Variants in PDIA6 observed in about 807,000 individuals in gnomAD.
PDIA6 encodes protein disulfide isomerase family A member 6.
Under a neutral mutation model 58.4 loss-of-function variants are expected in PDIA6, and 29 were observed. That is an observed-to-expected ratio of 0.50 (90% CI 0.37 to 0.68). The LOEUF is 0.68. Ranked by LOEUF, PDIA6 falls within the 30% of genes least tolerant of loss-of-function variation. The pLI is 0.00. For synonymous variants in PDIA6, 192 were observed against 202.6 expected (o/e 0.95, Z 0.44); for missense variants, 480 against 551.0 (o/e 0.87, Z 1.29).
intron 12 of PDIA6, 62 bp downstream of exon 12, chr2:10,784,872 G>T (rs1665629835): frequency 8.2e-7 from 1 of 1,222,032 alleles, no homozygotes; most frequent in Non-Finnish European, 1.2e-6. Context: ...GTGCAGAGAT[G>T]CACAGGCTCA....
In PDIA6 at chr2:10,789,887, A is replaced by C. The variant is rs1333909832; in HGVS notation, c.702T>G (p.Ile234Met). The C allele has an allele frequency of 6.8e-6, 11 of 1,611,574 alleles. No homozygotes were observed. Among genetic ancestry groups the C allele is most frequent in the Non-Finnish European group, 9.3e-6 (11 of 1,178,254 alleles). Residue 234 changes from isoleucine to methionine, a missense_variant and splice_region_variant, in exon 8 of 13, where the codon ATT (isoleucine) becomes ATG (methionine). By Grantham distance (10) the Ile-to-Met change is conservative. Coordinates refer to ENST00000272227, the MANE Select transcript of PDIA6 (RefSeq NM_005742.4). ...ATATCTTGATTGTAGGAAATCCTCT[A>C]ATCTATTAAAAAAAGGTCAGAGGAT... Reference protein sequence around the residue: ...VNQVLASRYGIRGFPTIKIFQ... With the variant: ...VNQVLASRYGMRGFPTIKIFQ...
chr2:10,796,060 CTTTTTTTTTT>C (rs78611007), intron 4 of PDIA6, among the ~76,000 whole-genome samples: 1 of 144,096 alleles, frequency 6.9e-6, no homozygotes, highest in African/African-American at 2.8e-5. Context: ...TTTGTGATAT[CTTTTTTTTTT>C]TTTTTTTTTG....
At chr2:10,801,906 C>G (rs1011135873) in intron 2 of PDIA6, among the ~76,000 whole-genome samples, 1 of 152,224 alleles carries the variant, frequency 6.6e-6, no homozygotes. Flanking sequence ...CACAGACACA[C>G]AGCTGGCTAG....
chr2:10,831,297 G>T (rs979952274), intron 1 of PDIA6, among the ~76,000 whole-genome samples: 1 of 152,186 alleles, frequency 6.6e-6, no homozygotes, highest in Non-Finnish European at 1.5e-5. Flanking sequence ...TGTAGTCTAC[G>T]GCACTCTCTT....
chr2:10,796,155 G>A (rs1046716889), intron 4 of PDIA6, among the ~76,000 whole-genome samples: 1 of 150,202 alleles, frequency 6.7e-6, no homozygotes, highest in African/African-American at 2.5e-5. Context: ...CCGGGTTCAC[G>A]CCATTCTCCT....
chr2:10,797,312 AG>A, intron 3 of PDIA6, 105 bp from the exon 4 acceptor site: 1 of 1,176,368 alleles, frequency 8.5e-7, no homozygotes, highest in South Asian at 1.5e-5. Context: ...AATAAAGCAC[AG>A]GGTGCAGTTT....
intron 1 of PDIA6, among the ~76,000 whole-genome samples, chr2:10,807,926 T>C (rs116419031): frequency 2.0e-5 from 3 of 152,188 alleles, no homozygotes; most frequent in African/African-American, 7.2e-5. Flanking sequence ...GTCATACATA[T>C]AAGGGGCAGG....
At chr2:10,797,636 G>A in intron 3 of PDIA6, 64 bp downstream of exon 3, 1 of 1,089,764 alleles carries the variant, frequency 9.2e-7, no homozygotes, top group South Asian at 1.3e-5. Context: ...GGTGAATATG[G>A]ACATCTTAGA....
intron 2 of PDIA6, chr2:10,819,150 C>A (rs1010539682): frequency 3.2e-6 from 2 of 617,884 alleles, no homozygotes; most frequent in Admixed American, 6.0e-5. Context: ...GAGTCACATT[C>A]CATCATATGA....
chr2:10,791,519 G>A (rs1666035675), intron 6 of PDIA6, among the ~76,000 whole-genome samples: 1 of 152,130 alleles, frequency 6.6e-6, no homozygotes, highest in African/African-American at 2.4e-5. Flanking sequence ...TTTTGTGTGT[G>A]GCTTTACTAA....
chr2:10,810,197 A>T, intron 1 of PDIA6: 3 of 975,144 alleles, frequency 3.1e-6, no homozygotes, highest in Admixed American at 2.0e-5. Context: ...CATGGTGCCC[A>T]TTATTTCACA....
At chr2:10,815,567 G>A (rs1173709219), upstream of PDIA6, 1 of 151,272 alleles carries the variant, frequency 6.6e-6, no homozygotes, top group African/African-American at 2.4e-5. Flanking sequence ...TTTTTTTTGA[G>A]ACAGTCTTGC....
In PDIA6 at chr2:10,790,718, C is replaced by A. The variant is rs1558440622; in HGVS notation, c.699+1G>T. The A allele has an allele frequency of 6.2e-7, 1 of 1,601,032 alleles. No homozygotes were observed. The highest frequency in any genetic ancestry group is 1.1e-5 in the South Asian group (1 of 90,814). On this transcript the variant is annotated splice_donor_variant, in intron 7 of 12. Coordinates refer to ENST00000272227, the MANE Select transcript of PDIA6 (RefSeq NM_005742.4). LOFTEE classifies it high-confidence loss of function. ...GAAATGAGCCTTATAAGTATACTCA[C>A]CCCGTATCGGGAGGCCAGAACCTGA...
chr2:10,791,245 G>C (rs2148538607), intron 6 of PDIA6, among the ~76,000 whole-genome samples: 1 of 151,900 alleles, frequency 6.6e-6, no homozygotes, highest in South Asian at 2.1e-4. Context: ...CCACAATCAA[G>C]AGATTCTTGC....
chr2:10,786,291 C>T (rs189862492), intron 11 of PDIA6, among the ~76,000 whole-genome samples: 252 of 150,930 alleles, frequency 1.7e-3, no homozygotes, highest in African/African-American at 6.0e-3. Context: ...CCAGCCCGGA[C>T]GACACAGCAA....
At chr2:10,835,413 G>C (rs532569558), upstream of PDIA6, among the ~76,000 whole-genome samples, 1 of 152,132 alleles carries the variant, frequency 6.6e-6, no homozygotes, top group Admixed American at 6.5e-5. Flanking sequence ...GGCCTTATCC[G>C]GGGCGTATTC....
At chr2:10,820,947 T>G (rs1469852902) in intron 1 of PDIA6, 13 of 683,902 alleles carry the variant, frequency 1.9e-5, no homozygotes, top group Admixed American at 1.2e-4. Context: ...AAGCTGCCAC[T>G]TCAGGACCTG....
Position 10,793,214 on chromosome 2 carries a change from G to T in PDIA6, c.347-12C>A. 1 of 1,581,352 alleles carries T rather than the reference G, an allele frequency of 6.3e-7. No homozygotes were observed. The highest frequency in any genetic ancestry group is 8.7e-7 in the Non-Finnish European group (1 of 1,155,464). ...ACCAGTTCTGCCACCTACAGGAGAC[G>T]GAAGGTAGGCGGTCCTCAGCCCGGC... is the stretch of plus-strand genomic sequence containing the variant. On this transcript the variant is annotated splice_polypyrimidine_tract_variant and intron_variant, in intron 4 of 12. Coordinates refer to ENST00000272227, the MANE Select transcript of PDIA6 (RefSeq NM_005742.4).
chr2:10,814,412 G>A (rs140620670), upstream of PDIA6, among the ~76,000 whole-genome samples: 913 of 152,310 alleles, frequency 6.0e-3, 10 homozygotes, highest in African/African-American at 0.02. Context: ...GTGAAGGTGC[G>A]TGGGAAGCCC....
Sources: gnomAD v4.1 joint callset for allele counts (sites outside exome capture counted in the v4.1 genomes callset) on GRCh38, gnomAD v4.1.1 for gene constraint, MANE v1.5 for transcripts, NCBI Gene and HGNC (gene_info 2026-07-23, HGNC 2026-07-21) for gene names.